L3MBTL4: variants seen among roughly 807,000 people sequenced by gnomAD.
L3MBTL4 encodes the protein L3MBTL histone methyl-lysine binding protein 4.
L3MBTL4 carries 70 observed loss-of-function variants against 84.5 expected under a neutral mutation model. The ratio of observed to expected loss-of-function variants is 0.83; its 90% CI spans 0.68 to 1.01. L3MBTL4 has a LOEUF of 1.01. L3MBTL4 is among the 50% of genes least tolerant of loss of function. The probability of loss-of-function intolerance (pLI) is 0.00; values close to 1 mark genes in which losing one functional copy is unlikely to be tolerated. For missense variants in L3MBTL4, 715 were observed against 754.8 expected (o/e 0.95, Z 0.62); for synonymous variants, 274 against 259.8 (o/e 1.05, Z -0.52).
intron 14 of L3MBTL4, among the ~76,000 whole-genome samples, chr18:6,133,678 C>T (rs376903719): frequency 1.2e-4 from 19 of 152,270 alleles, no homozygotes; most frequent in East Asian, 5.8e-4. Context: ...AGGCAACCAT[C>T]AGGTGATGGT....
chr18:6,179,773 G>A lies in L3MBTL4; in HGVS notation c.982-7831C>T, dbSNP rs113828919. On this transcript the variant is annotated intron_variant, in intron 12 of 18. Transcript: ENST00000317931. ...CTCCCAAATAGCTGGAACTACAGGC[G>A]CATGCCACCACACCACACCACTCAA... is the stretch of plus-strand genomic sequence containing the variant. Among the ~76,000 whole-genome samples, 1,133 of 152,130 alleles carry A rather than the reference G, an allele frequency of 7.4e-3. 17 individuals are homozygous for A. The highest frequency in any genetic ancestry group is 0.026 in the African/African-American group (1,079 of 41,506).
At chr18:6,031,805 T>G in intron 16 of L3MBTL4, 1 of 939,154 alleles carries the variant, frequency 1.1e-6, no homozygotes, top group Admixed American at 1.0e-4. Flanking sequence ...GCAAATCAGA[T>G]TCATGGTTTT....
At position 6,099,585 on chromosome 18, in the gene L3MBTL4, AATATAT is replaced by A. The variant is rs36091567; in HGVS notation, c.1200-6063_1200-6058del. Among the ~76,000 whole-genome samples, 53 of 64,748 alleles carry A rather than the reference AATATAT, an allele frequency of 8.2e-4. 8 individuals are homozygous for A. Among genetic ancestry groups the A allele is most frequent in the East Asian group, 2.9e-3 (3 of 1,024 alleles). 42.5% of individuals were successfully genotyped at this position (64,748 alleles called of 152,430 possible). On this transcript the variant is annotated intron_variant, in intron 14 of 18. Transcript: ENST00000317931. ...TATCTATAGATAGATAGATAATGTA[AATATAT>A]ATATATATATATATATGGAGAGAGA...
chr18:5,985,817 CAG>C (rs2053439339), intron 16 of L3MBTL4, among the ~76,000 whole-genome samples: 2 of 152,046 alleles, frequency 1.3e-5, no homozygotes, highest in African/African-American at 4.8e-5. Flanking sequence ...GGACAAAAAA[CAG>C]AGATCACACA....
intron 16 of L3MBTL4, among the ~76,000 whole-genome samples, chr18:5,971,392 A>C (rs892721911): frequency 1.3e-5 from 2 of 152,226 alleles, no homozygotes; most frequent in Non-Finnish European, 2.9e-5. Context: ...TCTGGAAAAG[A>C]ATAACCACAT....
chr18:6,402,871 A>G (rs1284335882), intron 1 of L3MBTL4, among the ~76,000 whole-genome samples: 1 of 152,246 alleles, frequency 6.6e-6, no homozygotes, highest in Non-Finnish European at 1.5e-5. Flanking sequence ...TCTGAGCGAA[A>G]GTAATTTGCC....
At chr18:6,008,901 G>T (rs1405910606) in intron 16 of L3MBTL4, among the ~76,000 whole-genome samples, 2 of 152,180 alleles carry the variant, frequency 1.3e-5, no homozygotes, top group African/African-American at 2.4e-5. Flanking sequence ...GACAAATGGA[G>T]AGCCTCTCCT....
chr18:6,263,722 T>C (rs544966722), intron 5 of L3MBTL4, among the ~76,000 whole-genome samples: 63 of 152,314 alleles, frequency 4.1e-4, no homozygotes, highest in Non-Finnish European at 7.2e-4. Context: ...ATGAGGAAAC[T>C]GAACTGAATG....
intron 12 of L3MBTL4, among the ~76,000 whole-genome samples, chr18:6,205,035 A>G (rs11877852): frequency 0.013 from 1,976 of 152,316 alleles, 41 homozygotes; most frequent in African/African-American, 0.046. Context: ...CGAAATTCTA[A>G]TCCCTGAAAG....
intron 16 of L3MBTL4, among the ~76,000 whole-genome samples, chr18:6,013,977 G>A (rs1567983385): frequency 6.6e-6 from 1 of 152,172 alleles, no homozygotes; most frequent in African/African-American, 2.4e-5. Context: ...CAGGCAGCCT[G>A]GGAAGTGGTC....
chr18:6,167,119 T>C (rs1205633244), intron 13 of L3MBTL4, among the ~76,000 whole-genome samples: 1 of 152,138 alleles, frequency 6.6e-6, no homozygotes, highest in Non-Finnish European at 1.5e-5. Flanking sequence ...CTCCCAAGAC[T>C]AAACCAGGAA....
intron 14 of L3MBTL4, among the ~76,000 whole-genome samples, chr18:6,096,997 C>T (rs560270321): frequency 1.3e-5 from 2 of 152,288 alleles, no homozygotes; most frequent in East Asian, 3.9e-4. Flanking sequence ...CTCCATTCCT[C>T]CTTAATTCAC....
At chr18:5,995,927 G>A (rs1329276596) in intron 16 of L3MBTL4, among the ~76,000 whole-genome samples, 2 of 152,188 alleles carry the variant, frequency 1.3e-5, no homozygotes, top group Non-Finnish European at 2.9e-5. Context: ...TGAAAAAAGG[G>A]CAGGAGATTT....
At chr18:5,997,527 G>T (rs2054029188) in intron 16 of L3MBTL4, among the ~76,000 whole-genome samples, 1 of 152,176 alleles carries the variant, frequency 6.6e-6, no homozygotes, top group South Asian at 2.1e-4. Context: ...CCTCTCACAT[G>T]TAAATTGTGT....
At chr18:6,213,012 GA>G (rs2046173752) in intron 12 of L3MBTL4, 136 bp downstream of exon 12, 1 of 559,986 alleles carries the variant, frequency 1.8e-6, no homozygotes, top group African/African-American at 1.9e-5. Flanking sequence ...GTCAAATCCA[GA>G]ACGCTTTTCC....
intron 14 of L3MBTL4, among the ~76,000 whole-genome samples, chr18:6,130,209 G>A (rs2059830325): frequency 6.6e-6 from 1 of 152,068 alleles, no homozygotes; most frequent in Non-Finnish European, 1.5e-5. Context: ...GTCCAGTTCA[G>A]GTGAGTTCCA....
Position 6,233,313 on chromosome 18 carries a change from T to A in L3MBTL4, c.784+4651A>T, listed in dbSNP as rs972328635. ...CTATTCAACATAGTGTTGGAAGTTC[T>A]GGCCAAGGCAATCAGGCAGGAGAAA... On this transcript the variant is annotated intron_variant, in intron 10 of 18. Coordinates refer to ENST00000317931, the MANE Select transcript of L3MBTL4 (RefSeq NM_001330559.2). 4.7e-5 allele frequency among the ~76,000 whole-genome samples: 7 copies of A among 150,008 alleles called. 1 individual carries two copies. The highest frequency in any genetic ancestry group is 1.8e-4 in the African/African-American group (7 of 39,344).
intron 1 of L3MBTL4, among the ~76,000 whole-genome samples, chr18:6,375,019 CT>C (rs1177509771): frequency 6.6e-6 from 1 of 152,132 alleles, no homozygotes; most frequent in Admixed American, 6.5e-5. Context: ...TTCCAAAAAG[CT>C]TCTGCTTTGG....
intron 5 of L3MBTL4, among the ~76,000 whole-genome samples, chr18:6,263,274 AAAAAAAAAAAG>A (rs1291716796): frequency 2.0e-5 from 3 of 151,896 alleles, no homozygotes; most frequent in African/African-American, 4.8e-5. Context: ...TCTCACAAAA[AAAAAAAAAAAG>A]AAAAAAAAAA....
Sources: gnomAD v4.1 joint callset for allele counts (sites outside exome capture counted in the v4.1 genomes callset) on GRCh38, gnomAD v4.1.1 for gene constraint, MANE v1.5 for transcripts, NCBI Gene and HGNC (gene_info 2026-07-23, HGNC 2026-07-21) for gene names.